Variants in SESN3 observed in about 807,000 individuals in gnomAD.
SESN3 encodes sestrin-3.
In SESN3, 21 loss-of-function variants were observed where a neutral mutation model predicts 55.3. The ratio of observed to expected loss-of-function variants is 0.38; its 90% CI spans 0.27 to 0.55. The LOEUF (loss-of-function observed/expected upper bound fraction) is 0.55, where lower values mean the gene tolerates loss of function less well. SESN3 is among the 20% of genes least tolerant of loss of function. SESN3 has a pLI of 0.76. For synonymous variants in SESN3, 181 were observed against 203.1 expected (o/e 0.89, Z 0.93); for missense variants, 408 against 604.3 (o/e 0.68, Z 3.41).
rs1859730160 is a variant in SESN3, at chr11:95,165,646, G to A, written c.*7609C>T. ...GTGATACAGTTTAACAAAACCCATTGTTCTGTACCTATAAATAGATTTTCA... is the reference window on the plus strand; with the variant it reads ...GTGATACAGTTTAACAAAACCCATTATTCTGTACCTATAAATAGATTTTCA... On this transcript the variant is annotated 3_prime_UTR_variant, in exon 10 of 10. Transcript: ENST00000536441. The A allele has an allele frequency of 6.6e-6, 1 of 152,124 alleles. No individual in the cohort carries two copies. The highest frequency in any genetic ancestry group is 1.5e-5 in the Non-Finnish European group (1 of 67,992). The allele number at this position is 152,124 out of a possible 1,614,324, so 9.4% of individuals were successfully genotyped here.
rs768198910 is a variant in SESN3 at position 95,230,834 on chromosome 11, C to A, written c.27G>T (p.Ser9=). 1.3e-6 allele frequency: 2 copies of A among 1,583,802 alleles called. No homozygotes were observed. Among genetic ancestry groups the A allele is most frequent in the South Asian group, 2.2e-5 (2 of 89,066 alleles). ...TACAGAGCAGGTAGTTGGCGGCGGCCGACGGGCTGCCGCCGCCCCGGTTCA... is the reference window on the plus strand; with the variant it reads ...TACAGAGCAGGTAGTTGGCGGCGGCAGACGGGCTGCCGCCGCCCCGGTTCA... MNRGGGSP[S]AAANYLLCTN... Residue 9 remains serine, a synonymous_variant, in exon 1 of 10, where the codon TCG becomes TCT. Transcript: ENST00000536441. This position sits in a 1 kb window ranked among gnomAD's most constrained non-coding sequence, Gnocchi z 4.6.
At chr11:95,175,757 T>C (rs1859944103) in intron 8 of SESN3, 115 bp from the exon 9 acceptor site, 1 of 836,216 alleles carries the variant, frequency 1.2e-6, no homozygotes. Context: ...CGTTAATTAA[T>C]TGAATCAACA....
rs1177032418 is a variant in SESN3 at position 95,171,468 on chromosome 11, G to T, written c.*1787C>A. On this transcript the variant is annotated 3_prime_UTR_variant, in exon 10 of 10. Transcript: ENST00000536441. ...TGTTAATAAGTATACAGTCATATTT[G>T]TTTTCCTATCTGGAACAAAATCTAA... 6.6e-6 allele frequency: 1 copy of T among 152,058 alleles called. No individual in the cohort carries two copies. The highest frequency in any genetic ancestry group is 1.5e-5 in the Non-Finnish European group (1 of 67,968). The allele number at this position is 152,058 out of a possible 1,614,324, so 9.4% of individuals were successfully genotyped here.
chr11:95,225,318 C>A lies in SESN3; in HGVS notation c.78+5465G>T, dbSNP rs74414042. The stretch of plus-strand genomic sequence containing the variant: ...AAGGACCATACTTTGAGAACTGCTG[C>A]TTTATCTTATTAAGGAATTAGCCAA... On this transcript the variant is annotated intron_variant, in intron 1 of 9. Coordinates refer to ENST00000536441, the MANE Select transcript of SESN3 (RefSeq NM_144665.4). 1.7e-3 allele frequency among the ~76,000 whole-genome samples: 252 copies of A among 152,314 alleles called. 1 individual carries two copies. Among genetic ancestry groups the A allele is most frequent in the African/African-American group, 5.6e-3 (234 of 41,564 alleles).
At chr11:95,215,990 TG>T (rs1345447350) in intron 1 of SESN3, among the ~76,000 whole-genome samples, 1 of 149,484 alleles carries the variant, frequency 6.7e-6, no homozygotes, top group Admixed American at 6.8e-5. Flanking sequence ...CCCAGCTACT[TG>T]GGAGGCTGAG....
At chr11:95,175,313 G>A (rs1049538059) in intron 9 of SESN3, among the ~76,000 whole-genome samples, 185 bp downstream of exon 9, 1 of 152,186 alleles carries the variant, frequency 6.6e-6, no homozygotes, top group South Asian at 2.1e-4. Flanking sequence ...GCAGTGAGCT[G>A]AGATCGTGCC....
At chr11:95,227,790 C>T (rs1860975082) in intron 1 of SESN3, among the ~76,000 whole-genome samples, 1 of 152,176 alleles carries the variant, frequency 6.6e-6, no homozygotes, top group Admixed American at 6.5e-5. Flanking sequence ...TTCCTCAATG[C>T]AGTTTGACAC....
intron 9 of SESN3, 79 bp downstream of exon 9, chr11:95,175,419 C>A: frequency 8.3e-7 from 1 of 1,206,624 alleles, no homozygotes. Context: ...TTAATACTTT[C>A]ATGTGTCATT....
At position 95,167,475 on chromosome 11, in the gene SESN3, C is replaced by CCATATATATATATATATATATATATAT. The variant is rs563322416; in HGVS notation, c.*5779_*5780insATATATATATATATATATATATATATG. The CCATATATATATATATATATATATATAT allele has an allele frequency of 9.9e-5, 15 of 150,940 alleles. No homozygotes were observed. The highest frequency in any genetic ancestry group is 3.7e-4 in the African/African-American group (15 of 40,342). 9.4% of individuals were successfully genotyped at this position (150,940 alleles called of 1,614,324 possible). ...TCAGATATTCATTCTGTTTCCCCCC[C>CCATATATATATATATATATATATATAT]ATATATATAATTTTTCATTCTGTAC... On this transcript the variant is annotated 3_prime_UTR_variant, in exon 10 of 10. Coordinates refer to ENST00000536441, the MANE Select transcript of SESN3 (RefSeq NM_144665.4).
chr11:95,216,047 G>T (rs951119972), intron 1 of SESN3, among the ~76,000 whole-genome samples: 29 of 143,714 alleles, frequency 2.0e-4, no homozygotes, highest in African/African-American at 7.3e-4. Flanking sequence ...GCAGTGAGCC[G>T]AGATCCCGCC....
intron 1 of SESN3, among the ~76,000 whole-genome samples, chr11:95,220,209 G>C (rs1463654100): frequency 4.6e-5 from 7 of 152,002 alleles, no homozygotes; most frequent in Non-Finnish European, 1.0e-4. Context: ...ATGAGTGGTG[G>C]AAATGAGCAT....
chr11:95,229,353 TAG>T (rs1861007502), intron 1 of SESN3, among the ~76,000 whole-genome samples: 1 of 152,208 alleles, frequency 6.6e-6, no homozygotes, highest in Admixed American at 6.5e-5. Context: ...AATTTGATCC[TAG>T]AGTTTATGGA....
rs188166743 is a variant in SESN3 at position 95,220,572 on chromosome 11, T to C, written c.78+10211A>G. Among the ~76,000 whole-genome samples, 785 of 152,360 alleles carry C rather than the reference T, an allele frequency of 5.2e-3. 2 individuals carry two copies. Among genetic ancestry groups the C allele is most frequent in the Non-Finnish European group, 6.9e-3 (472 of 68,022 alleles). ...GTGTTTCTCAATAGATTTAATCTTA[T>C]AAAATGATTTTTTGCATTTCTAATG... On this transcript the variant is annotated intron_variant, in intron 1 of 9. Coordinates refer to ENST00000536441, the MANE Select transcript of SESN3 (RefSeq NM_144665.4).
Position 95,184,609 on chromosome 11 carries a change from G to A in SESN3, c.763-15C>T. The A allele has an allele frequency of 1.2e-6, 2 of 1,608,328 alleles. No homozygotes were observed. Among genetic ancestry groups the A allele is most frequent in the South Asian group, 1.1e-5 (1 of 90,688 alleles). On this transcript the variant is annotated splice_polypyrimidine_tract_variant and intron_variant, in intron 5 of 9. Coordinates refer to ENST00000536441, the MANE Select transcript of SESN3 (RefSeq NM_144665.4). ...GAATCCACAATCTGGAAACAGATAA[G>A]ATAATGTTGGGTGCTATTCATACTA...
intron 6 of SESN3, 185 bp downstream of exon 6, chr11:95,184,235 T>C (rs567858707): frequency 2.3e-5 from 14 of 607,350 alleles, no homozygotes; most frequent in Non-Finnish European, 3.8e-5. Flanking sequence ...CAACTCAATC[T>C]GAAATACATT....
chr11:95,226,859 A>G (rs559542729), intron 1 of SESN3, among the ~76,000 whole-genome samples: 1 of 152,348 alleles, frequency 6.6e-6, no homozygotes, highest in African/African-American at 2.4e-5. Context: ...ACATACTTAA[A>G]AATTTAATGC....
rs941141238 is a variant in SESN3, at chr11:95,166,895, C to T, written c.*6360G>A. On this transcript the variant is annotated 3_prime_UTR_variant, in exon 10 of 10. Coordinates refer to ENST00000536441, the MANE Select transcript of SESN3 (RefSeq NM_144665.4). ...CTAAATAATGCAAAGGAAATATCTG[C>T]ACTAGATATATAGTTTGGATCACTT... 1 of 152,162 alleles carries T rather than the reference C, an allele frequency of 6.6e-6. No homozygotes were observed. The highest frequency in any genetic ancestry group is 1.5e-5 in the Non-Finnish European group (1 of 68,032). 9.4% of individuals were successfully genotyped at this position (152,162 alleles called of 1,614,324 possible).
chr11:95,219,612 A>G (rs1860822189), intron 1 of SESN3, among the ~76,000 whole-genome samples: 1 of 152,160 alleles, frequency 6.6e-6, no homozygotes, highest in South Asian at 2.1e-4. Context: ...CAGTTGTCCC[A>G]ACACCCTGCT....
At chr11:95,202,280 G>A (rs1565470371) in intron 1 of SESN3, among the ~76,000 whole-genome samples, 1 of 152,014 alleles carries the variant, frequency 6.6e-6, no homozygotes, top group Non-Finnish European at 1.5e-5. Context: ...GGAGATAGGA[G>A]TCTGGCTGTA....
Sources: allele counts gnomAD v4.1 joint callset (sites outside exome capture counted in the v4.1 genomes callset), GRCh38; gene constraint gnomAD v4.1.1; non-coding constraint Gnocchi (gnomAD v3.1); transcripts MANE v1.5; gene names NCBI Gene and HGNC (gene_info 2026-07-23, HGNC 2026-07-21).